The following DMRT1 variants were observed in gnomAD, a reference collection of about 807,000 sequenced individuals.
DMRT1 encodes doublesex- and mab-3-related transcription factor 1.
DMRT1 carries 7 observed loss-of-function variants against 32.3 expected under a neutral mutation model. That is an observed-to-expected ratio of 0.22 (90% CI 0.12 to 0.41). The LOEUF (loss-of-function observed/expected upper bound fraction) is 0.41, where lower values mean the gene tolerates loss of function less well. DMRT1 is among the 10% of genes least tolerant of loss of function. The pLI is 1.00. For synonymous variants in DMRT1, 278 were observed against 206.1 expected, an observed-to-expected ratio of 1.35 and a Z score of -2.99; for missense variants, 625 against 500.5, an observed-to-expected ratio of 1.25 and a Z score of -2.37.
chr9:937,859 C>G (rs1818937761), intron 4 of DMRT1, among the ~76,000 whole-genome samples: 1 of 151,426 alleles, frequency 6.6e-6, no homozygotes, highest in Admixed American at 6.6e-5. Context: ...TGATAAAGTC[C>G]AAGTTATCTA....
intron 3 of DMRT1, among the ~76,000 whole-genome samples, chr9:914,021 A>G (rs961200074): frequency 2.0e-5 from 3 of 152,198 alleles, no homozygotes; most frequent in Non-Finnish European, 2.9e-5. Flanking sequence ...TCTTACCATC[A>G]GGACCTGCAT....
intron 2 of DMRT1, among the ~76,000 whole-genome samples, chr9:873,501 T>G (rs1816364481): frequency 6.6e-6 from 1 of 151,760 alleles, no homozygotes; most frequent in East Asian, 1.9e-4. Flanking sequence ...TTTTTTTTAG[T>G]AGAGATGGGG....
intron 2 of DMRT1, among the ~76,000 whole-genome samples, chr9:853,003 A>G (rs1397316875): frequency 6.6e-6 from 1 of 152,222 alleles, no homozygotes; most frequent in Non-Finnish European, 1.5e-5. Context: ...TGAAAATGGA[A>G]TAGTATCCCA....
chr9:908,936 G>C (rs1485403551), intron 3 of DMRT1, among the ~76,000 whole-genome samples: 1 of 152,008 alleles, frequency 6.6e-6, no homozygotes, highest in East Asian at 1.9e-4. Context: ...CCCACGCTTA[G>C]CACAGCAGCT....
intron 4 of DMRT1, among the ~76,000 whole-genome samples, chr9:927,413 C>T (rs968999261): frequency 2.0e-5 from 3 of 152,154 alleles, no homozygotes; most frequent in African/African-American, 4.8e-5. Context: ...CTTTGAAGCT[C>T]GTCAGCGGCC....
chr9:922,131 G>T (rs1461118692), intron 4 of DMRT1, among the ~76,000 whole-genome samples: 2 of 151,756 alleles, frequency 1.3e-5, no homozygotes, highest in South Asian at 2.1e-4. Context: ...CTCCCACCTC[G>T]GCCTCCCAAA....
chr9:891,495 T>C (rs901231157), intron 2 of DMRT1, among the ~76,000 whole-genome samples: 5 of 147,640 alleles, frequency 3.4e-5, no homozygotes, highest in Non-Finnish European at 7.4e-5. Flanking sequence ...CAAGATCTTA[T>C]GACTCCCTGG....
chr9:869,589 CCT>C (rs1248653900), intron 2 of DMRT1, among the ~76,000 whole-genome samples: 1 of 152,142 alleles, frequency 6.6e-6, no homozygotes. Context: ...CCCAAGGTCT[CCT>C]ATCTCGGTTA....
chr9:948,594 A>C (rs1343466559), intron 4 of DMRT1, among the ~76,000 whole-genome samples: 1 of 149,546 alleles, frequency 6.7e-6, no homozygotes, highest in Non-Finnish European at 1.5e-5. Context: ...TGGGGCCCAG[A>C]AGGCTCCGCA....
chr9:968,676 C>A lies in DMRT1; in HGVS notation c.*537C>A, dbSNP rs773672177. The A allele has an allele frequency of 6.5e-6, 1 of 153,392 alleles. No individual in the cohort carries two copies. Among genetic ancestry groups the A allele is most frequent in the Non-Finnish European group, 1.5e-5 (1 of 68,848 alleles). The allele number at this position is 153,392 out of a possible 1,614,324, so 9.5% of individuals were successfully genotyped here. On this transcript the variant is annotated 3_prime_UTR_variant, in exon 5 of 5. Transcript: ENST00000382276. ...GTTGCTGTTGGAAATAGCCCCACCCCATCCTCCCAATCCAAAACGTAACTG... is the reference window on the plus strand; with the variant it reads ...GTTGCTGTTGGAAATAGCCCCACCCAATCCTCCCAATCCAAAACGTAACTG...
At chr9:904,625 G>A (rs1469480518) in intron 3 of DMRT1, among the ~76,000 whole-genome samples, 1 of 152,196 alleles carries the variant, frequency 6.6e-6, no homozygotes, top group Non-Finnish European at 1.5e-5. Context: ...CTGGCTCATG[G>A]TGGAATGGAT....
chr9:934,985 A>G (rs1460524168), intron 4 of DMRT1, among the ~76,000 whole-genome samples: 2 of 152,172 alleles, frequency 1.3e-5, no homozygotes, highest in South Asian at 2.1e-4. Flanking sequence ...TCTCAACTAT[A>G]TCTTTCCTAC....
In DMRT1 at chr9:894,120, G is replaced by T. The variant is rs759390624; in HGVS notation, c.747G>T (p.Gly249=). The T allele has an allele frequency of 3.1e-6, 5 of 1,614,234 alleles. No individual in the cohort carries two copies. Among genetic ancestry groups the T allele is most frequent in the Non-Finnish European group, 4.2e-6 (5 of 1,180,048 alleles). ...CTGGGGAGGTGGGAAATCCCCTCGG[G>T]GGATCCCCTGTGAAGAACAGCCTTC... ...SASGEVGNPL[G]GSPVKNSLRG... Residue 249 remains glycine (G), a synonymous_variant, in exon 3 of 5, where the codon GGG becomes GGT. Transcript: ENST00000382276.
intron 4 of DMRT1, among the ~76,000 whole-genome samples, chr9:922,047 A>AT (rs57802048): frequency 5.3e-4 from 79 of 150,112 alleles, no homozygotes; most frequent in African/African-American, 1.1e-3. Context: ...CGCCCAGCTA[A>AT]TTTTTTTTTT....
rs560303217 is a variant in DMRT1 at position 876,948 on chromosome 9, C to A, written c.539-16964C>A. ...GGCTGCCTCAGCCATGGTCCCACTT[C>A]CAGTTACATGTGTGTCCTCAGACTT... On this transcript the variant is annotated intron_variant, in intron 2 of 4. Coordinates refer to ENST00000382276, the MANE Select transcript of DMRT1 (RefSeq NM_021951.3). 2.0e-5 allele frequency among the ~76,000 whole-genome samples: 3 copies of A among 152,144 alleles called. No homozygotes were observed. The South Asian group carries it at 6.3e-4, about 32-fold the overall frequency.
chr9:864,518 A>ATTTTT (rs1815877233), intron 2 of DMRT1, among the ~76,000 whole-genome samples: 1 of 15,794 alleles, frequency 6.3e-5, no homozygotes, highest in Non-Finnish European at 1.7e-4. Context: ...TTTTTTTTTG[A>ATTTTT]GACGGAGTCT....
chr9:953,462 T>G (rs1466324054), intron 4 of DMRT1, among the ~76,000 whole-genome samples: 3 of 152,200 alleles, frequency 2.0e-5, no homozygotes, highest in African/African-American at 2.4e-5. Flanking sequence ...ATTTTCTAAA[T>G]GACGAAAATC....
At chr9:866,138 T>TG (rs560528780) in intron 2 of DMRT1, among the ~76,000 whole-genome samples, 77 of 113,402 alleles carry the variant, frequency 6.8e-4, no homozygotes, top group South Asian at 6.2e-3. Flanking sequence ...CACTCCAGCC[T>TG]GGGTGACAGA....
intron 4 of DMRT1, among the ~76,000 whole-genome samples, chr9:963,689 G>A (rs1204695518): frequency 1.3e-5 from 2 of 152,224 alleles, no homozygotes; most frequent in African/African-American, 4.8e-5. Context: ...GGACAGCTAA[G>A]ATAATCCTAA....
Sources: gnomAD v4.1 joint callset for allele counts (sites outside exome capture counted in the v4.1 genomes callset) on GRCh38, gnomAD v4.1.1 for gene constraint, MANE v1.5 for transcripts, NCBI Gene and HGNC (gene_info 2026-07-23, HGNC 2026-07-21) for gene names.